FLT3: variants seen among roughly 807,000 people sequenced by gnomAD.
FLT3 encodes receptor-type tyrosine-protein kinase FLT3.
Under a neutral mutation model 126.6 loss-of-function variants are expected in FLT3, and 46 were observed. The observed-to-expected ratio is 0.36, with a 90% CI of 0.29 to 0.46. The LOEUF (loss-of-function observed/expected upper bound fraction) is 0.46. FLT3 is among the 20% of genes least tolerant of loss of function. The pLI is 1.00. For synonymous variants in FLT3, 404 were observed against 434.4 expected (o/e 0.93, Z 0.87); for missense variants, 1,069 against 1,190.3 (o/e 0.90, Z 1.50).
At chr13:28,098,997 TCA>T (rs1191953289) in intron 1 of FLT3, among the ~76,000 whole-genome samples, 1 of 152,150 alleles carries the variant, frequency 6.6e-6, no homozygotes, top group East Asian at 1.9e-4. Context: ...GCTCTATATC[TCA>T]GTCTGATCGT....
chr13:28,040,078 C>T (rs370206952), intron 9 of FLT3, among the ~76,000 whole-genome samples: 181 of 152,314 alleles, frequency 1.2e-3, no homozygotes, highest in African/African-American at 3.7e-3. Context: ...TCCAAGAACT[C>T]GTTCATTCAT....
chr13:28,075,887 C>T (rs192030551), intron 1 of FLT3, among the ~76,000 whole-genome samples: 5 of 151,920 alleles, frequency 3.3e-5, no homozygotes, highest in African/African-American at 1.2e-4. Flanking sequence ...ACTCCACCTC[C>T]CAGGTTCCAG....
chr13:28,024,776 T>C lies in FLT3; in HGVS notation c.2290+85A>G, dbSNP rs898344946. 3 of 964,560 alleles carry C rather than the reference T, an allele frequency of 3.1e-6. No homozygotes were observed. In the African/African-American group the frequency reaches 4.9e-5, roughly 16 times the overall value. The allele number at this position is 964,560 out of a possible 1,614,324, so 59.8% of individuals were successfully genotyped here. On this transcript the variant is annotated intron_variant, in intron 18 of 23. Coordinates refer to ENST00000241453, the MANE Select transcript of FLT3 (RefSeq NM_004119.3). ...TAGCAAATTTTAAAATGCTTTTGTG[T>C]TTACACACTTTTAAAAAATAGCTAA...
chr13:28,077,524 G>A (rs2137803176), intron 1 of FLT3, among the ~76,000 whole-genome samples: 1 of 152,274 alleles, frequency 6.6e-6, no homozygotes, highest in African/African-American at 2.4e-5. Flanking sequence ...TGGCACCCAT[G>A]ATTCAATTAC....
In FLT3 at chr13:28,015,706, G is replaced by A. The variant is rs1198909981; in HGVS notation, c.2542-5C>T. 1.3e-6 allele frequency: 2 copies of A among 1,574,284 alleles called. No individual in the cohort carries two copies. The highest frequency in any genetic ancestry group is 2.7e-5 in the African/African-American group (2 of 74,080). On this transcript the variant is annotated splice_polypyrimidine_tract_variant and splice_region_variant and intron_variant, in intron 20 of 23. Coordinates refer to ENST00000241453, the MANE Select transcript of FLT3 (RefSeq NM_004119.3). ...CCATTTTACAGGCAGACGGGCCTGT[G>A]GAAAACCCAGAGGAGATAAGATGGT...
intron 23 of FLT3, among the ~76,000 whole-genome samples, chr13:28,011,649 G>A (rs1178850381): frequency 8.1e-5 from 3 of 37,162 alleles, no homozygotes; most frequent in African/African-American, 1.9e-4. Context: ...ACCCGGGGAG[G>A]GGGGCATTTC....
intron 1 of FLT3, among the ~76,000 whole-genome samples, chr13:28,078,024 C>T (rs552627411): frequency 7.9e-4 from 121 of 152,264 alleles, no homozygotes; most frequent in Middle Eastern, 6.8e-3. Flanking sequence ...TGGGAAGCTC[C>T]GCCCCTGTGG....
chr13:28,086,632 G>A (rs922684120), intron 1 of FLT3, among the ~76,000 whole-genome samples: 120 of 150,566 alleles, frequency 8.0e-4, no homozygotes, highest in African/African-American at 2.2e-3. Context: ...GTGTGTGTGT[G>A]TGTGTGTGTG....
intron 1 of FLT3, among the ~76,000 whole-genome samples, chr13:28,091,111 G>C (rs527501218): frequency 1.3e-5 from 2 of 149,172 alleles, no homozygotes; most frequent in South Asian, 2.2e-4. Context: ...GTGAGGCAAA[G>C]AGTTGGAGAC....
chr13:28,038,723 G>A (rs1874071152), intron 9 of FLT3, among the ~76,000 whole-genome samples: 1 of 152,090 alleles, frequency 6.6e-6, no homozygotes, highest in South Asian at 2.1e-4. Flanking sequence ...AAAGCGCTGG[G>A]ATTACATGCA....
chr13:28,067,934 G>A, intron 2 of FLT3: 1 of 364,554 alleles, frequency 2.7e-6, no homozygotes, highest in South Asian at 2.7e-5. Context: ...GAAATATGAG[G>A]TCATGATTGT....
intron 18 of FLT3, 82 bp from the exon 19 acceptor site, chr13:28,023,559 C>A: frequency 6.7e-7 from 1 of 1,498,878 alleles, no homozygotes; most frequent in South Asian, 1.2e-5. Context: ...GTTATTCAAG[C>A]CAGAGTTAGG....
intron 3 of FLT3, among the ~76,000 whole-genome samples, chr13:28,058,492 A>T (rs1876239944): frequency 6.6e-6 from 1 of 152,190 alleles, no homozygotes; most frequent in Non-Finnish European, 1.5e-5. Context: ...AGCCTGGGCA[A>T]CAAGATTGAA....
chr13:28,023,321 G>A lies in FLT3; in HGVS notation c.2418+29C>T, dbSNP rs755206983. On this transcript the variant is annotated intron_variant, in intron 19 of 23. Coordinates refer to ENST00000241453, the MANE Select transcript of FLT3 (RefSeq NM_004119.3). Reference sequence around the variant, plus strand: ...GCACATCTTTTCAAATCTTTTTTTTGGTTTGTTTTTTCTTTAAAAGGAGCA... The same window carrying A: ...GCACATCTTTTCAAATCTTTTTTTTAGTTTGTTTTTTCTTTAAAAGGAGCA... The A allele has an allele frequency of 1.0e-5, 16 of 1,581,058 alleles. No individual in the cohort carries two copies. The African/African-American group carries it at 1.4e-4, about 14-fold the overall frequency.
rs778256828 is a variant in FLT3 at position 28,048,381 on chromosome 13, A to T, written c.1099T>A (p.Phe367Ile). The T allele has an allele frequency of 6.2e-7, 1 of 1,611,656 alleles. No individual in the cohort carries two copies. The highest frequency in any genetic ancestry group is 2.2e-5 in the East Asian group (1 of 44,846). ...EDYEIDQYEE[F>I]CFSVRFKAYP... is the part of the protein sequence containing the mutation. ...GCTTTAAACCTGACAGAAAAACAAA[A>T]CTCTTCATATTGGTCAATTTCATAA... The change falls in exon 9 of 24, where the codon TTT (phenylalanine) becomes ATT (isoleucine). Residue 367 changes from phenylalanine to isoleucine, a missense_variant. Phe to Ile is a conservative substitution (Grantham distance 21). Coordinates refer to ENST00000241453, the MANE Select transcript of FLT3 (RefSeq NM_004119.3).
At chr13:28,032,207 A>G (rs2137667262) in intron 15 of FLT3, among the ~76,000 whole-genome samples, 1 of 152,356 alleles carries the variant, frequency 6.6e-6, no homozygotes, top group Admixed American at 6.5e-5. Flanking sequence ...TTCACCTTGC[A>G]TACACTGTGT....
At chr13:28,039,991 G>C (rs1256076826) in intron 9 of FLT3, among the ~76,000 whole-genome samples, 1 of 152,150 alleles carries the variant, frequency 6.6e-6, no homozygotes, top group Non-Finnish European at 1.5e-5. Flanking sequence ...AGGGTGGCTT[G>C]GCCTATGAAG....
intron 1 of FLT3, among the ~76,000 whole-genome samples, chr13:28,099,636 G>A (rs1355544049): frequency 2.0e-5 from 3 of 152,076 alleles, no homozygotes. Context: ...GGAGCTGCCG[G>A]GCACCCAGAA....
intron 9 of FLT3, among the ~76,000 whole-genome samples, chr13:28,041,051 G>A (rs1266997194): frequency 1.3e-5 from 2 of 152,104 alleles, no homozygotes; most frequent in African/African-American, 2.4e-5. Context: ...AGTCAAAAAG[G>A]GGAATTTCTT....
Sources: gnomAD v4.1 joint callset for allele counts (sites outside exome capture counted in the v4.1 genomes callset) on GRCh38, gnomAD v4.1.1 for gene constraint, MANE v1.5 for transcripts, NCBI Gene and HGNC (gene_info 2026-07-23, HGNC 2026-07-21) for gene names.